Variants in TUSC3 observed in about 807,000 individuals in gnomAD.
TUSC3 encodes dolichyl-diphosphooligosaccharide--protein glycosyltransferase subunit TUSC3.
In TUSC3, 45 loss-of-function variants were observed where a neutral mutation model predicts 44.8. The observed-to-expected ratio is 1.00, with a 90% CI of 0.79 to 1.29. The LOEUF is 1.29. Among genes scored for constraint, TUSC3 ranks in the 50% most tolerant of loss-of-function variants. The pLI, the probability that TUSC3 is intolerant of heterozygous loss-of-function variation, is 0.00. For synonymous variants in TUSC3, 212 were observed against 152.9 expected (o/e 1.39, Z -2.85); for missense variants, 519 against 437.9 (o/e 1.19, Z -1.65).
chr8:15,484,498 TA>T (rs1397309760), intron 2 of TUSC3, among the ~76,000 whole-genome samples: 2 of 152,220 alleles, frequency 1.3e-5, no homozygotes, highest in African/African-American at 4.8e-5. Context: ...AATAATCCCA[TA>T]AAAAATATTT....
At chr8:15,805,101 T>C in the TUSC3 span, among the ~76,000 whole-genome samples, 5 of 152,128 alleles carry the variant, frequency 3.3e-5, no homozygotes, top group African/African-American at 9.7e-5. Context: ...CAACTGTAAA[T>C]GAGAACGTGT....
chr8:15,532,317 AAAAG>A (rs1237561442), intron 2 of TUSC3, among the ~76,000 whole-genome samples: 1 of 152,212 alleles, frequency 6.6e-6, no homozygotes, highest in African/African-American at 2.4e-5. Flanking sequence ...ATTGTTTAAA[AAAAG>A]AAAAATGGTG....
intron 1 of TUSC3, among the ~76,000 whole-genome samples, chr8:15,456,919 A>G (rs572979809): frequency 6.6e-6 from 1 of 152,322 alleles, no homozygotes; most frequent in South Asian, 2.1e-4. Context: ...AAAAATATTA[A>G]GAACACTTAT....
At chr8:15,632,872 A>G (rs1207087749) in intron 2 of TUSC3, among the ~76,000 whole-genome samples, 1 of 152,152 alleles carries the variant, frequency 6.6e-6, no homozygotes, top group Non-Finnish European at 1.5e-5. Context: ...ATCATAGTGT[A>G]TCTCCTTTAG....
intron 2 of TUSC3, among the ~76,000 whole-genome samples, chr8:15,646,606 G>C (rs968798551): frequency 1.3e-5 from 2 of 151,716 alleles, no homozygotes; most frequent in Admixed American, 1.3e-4. Flanking sequence ...TTAGATTATA[G>C]TACTGTTCAT....
intron 5 of TUSC3, 43 bp downstream of exon 5, chr8:15,662,339 G>A (rs1342527785): frequency 6.2e-7 from 1 of 1,609,660 alleles, no homozygotes. Context: ...TGTTCTTTGT[G>A]TAATAATATA....
chr8:15,426,103 A>T (rs1439847133), intron 1 of TUSC3, among the ~76,000 whole-genome samples: 1 of 152,220 alleles, frequency 6.6e-6, no homozygotes, highest in East Asian at 1.9e-4. Flanking sequence ...GGTGTAATTG[A>T]CAGAGAGCTG....
At chr8:15,714,330 C>G (rs1809980694) in intron 6 of TUSC3, among the ~76,000 whole-genome samples, 1 of 151,716 alleles carries the variant, frequency 6.6e-6, no homozygotes, top group African/African-American at 2.4e-5. Flanking sequence ...ATTTTTGAAC[C>G]CCAATTTTGT....
Position 15,662,237 on chromosome 8 carries a change from T to C in TUSC3, c.649T>C (p.Leu217=), listed in dbSNP as rs772626944. ...GTCGCTTGTTGGAGGTTTGCTTTAT[T>C]TGAGAAGGAACAACTTGGAGTTCAT... The part of the protein sequence containing the change: ...LVSLVGGLLY[L]RRNNLEFIYN... Residue 217 remains leucine, a synonymous_variant, in exon 5 of 11, where the codon TTG becomes CTG. Coordinates refer to ENST00000503731, the MANE Select transcript of TUSC3 (RefSeq NM_006765.4). 5 of 1,613,236 alleles carry C rather than the reference T, an allele frequency of 3.1e-6. No homozygotes were observed. Among genetic ancestry groups the C allele is most frequent in the Non-Finnish European group, 4.2e-6 (5 of 1,179,368 alleles).
intron 2 of TUSC3, among the ~76,000 whole-genome samples, chr8:15,485,771 A>G (rs1800725607): frequency 6.6e-6 from 1 of 151,468 alleles, no homozygotes. Flanking sequence ...TTTGCTTTGA[A>G]TATGAGTTTG....
intron 1 of TUSC3, among the ~76,000 whole-genome samples, chr8:15,460,448 G>A (rs888593843): frequency 4.6e-5 from 7 of 152,112 alleles, no homozygotes; most frequent in African/African-American, 1.4e-4. Context: ...TTTGTCATAT[G>A]TATAGATTGT....
At chr8:15,528,962 G>C (rs7007573) in intron 2 of TUSC3, among the ~76,000 whole-genome samples, 148,230 of 152,278 alleles carry the variant, frequency 0.97, 72,255 homozygotes, top group East Asian at 1. Context: ...TTACTCCTTT[G>C]TCACCGCAGT....
chr8:15,527,894 T>C (rs1476098645), intron 2 of TUSC3, among the ~76,000 whole-genome samples: 1 of 152,230 alleles, frequency 6.6e-6, no homozygotes, highest in African/African-American at 2.4e-5. Flanking sequence ...TATACACTTT[T>C]TAATGAGTAA....
At chr8:15,839,792 G>A in the TUSC3 span, among the ~76,000 whole-genome samples, 1 of 152,156 alleles carries the variant, frequency 6.6e-6, no homozygotes, top group Non-Finnish European at 1.5e-5. Flanking sequence ...ATGTAAACTA[G>A]TTCAACCATT....
chr8:15,673,523 C>A (rs1237118795), intron 5 of TUSC3, among the ~76,000 whole-genome samples: 2 of 152,018 alleles, frequency 1.3e-5, no homozygotes, highest in Admixed American at 6.6e-5. Flanking sequence ...TAACATATTT[C>A]TTTAACAGAG....
rs1801752716 is a variant in TUSC3 at position 15,543,343 on chromosome 8, A to G, written c.138+2775A>G. Among the ~76,000 whole-genome samples, 6 of 152,276 alleles carry G rather than the reference A, an allele frequency of 3.9e-5. No homozygotes were observed. In the South Asian group the frequency reaches 1.2e-3, roughly 32 times the overall value. ...ACTGAAGTCTTAAGTTGAGCCTGCA[A>G]TCAGGAAAGGACATTAGTTGATTTA... On this transcript the variant is annotated intron_variant, in intron 1 of 10. Coordinates refer to ENST00000503731, the MANE Select transcript of TUSC3 (RefSeq NM_006765.4).
chr8:15,536,243 A>T (rs1801520166), upstream of TUSC3, among the ~76,000 whole-genome samples: 1 of 152,166 alleles, frequency 6.6e-6, no homozygotes, highest in Non-Finnish European at 1.5e-5. Flanking sequence ...AAAAATAGGA[A>T]ATGATGTTAG....
the TUSC3 span, among the ~76,000 whole-genome samples, chr8:15,813,390 A>AAC: frequency 7.1e-3 from 77 of 10,774 alleles, no homozygotes; most frequent in African/African-American, 0.013. Context: ...ACAAACAAAC[A>AAC]AAAAAAAAAA....
At chr8:15,518,246 C>T (rs963317704) in intron 2 of TUSC3, among the ~76,000 whole-genome samples, 6 of 152,206 alleles carry the variant, frequency 3.9e-5, no homozygotes, top group African/African-American at 1.4e-4. Context: ...TACCTTTTCT[C>T]ATGTAAAATA....
Sources: gnomAD v4.1 joint callset for allele counts (sites outside exome capture counted in the v4.1 genomes callset) on GRCh38, gnomAD v4.1.1 for gene constraint, MANE v1.5 for transcripts, NCBI Gene and HGNC (gene_info 2026-07-23, HGNC 2026-07-21) for gene names.